The following PDE1C variants were observed in gnomAD, a reference collection of about 807,000 sequenced individuals.
PDE1C encodes the protein phosphodiesterase 1C.
In PDE1C, 62 loss-of-function variants were observed where a neutral mutation model predicts 93.1. The ratio of observed to expected loss-of-function variants is 0.67; its 90% CI spans 0.54 to 0.82. The LOEUF (loss-of-function observed/expected upper bound fraction) is 0.82, where lower values mean the gene tolerates loss of function less well. PDE1C is among the 40% of genes least tolerant of loss of function. The pLI is 0.00. For synonymous variants in PDE1C, 325 were observed against 310.1 expected, an observed-to-expected ratio of 1.05 and a Z score of -0.50; for missense variants, 742 against 884.6, an observed-to-expected ratio of 0.84 and a Z score of 2.04.
At chr7:31,643,429 A>G in the PDE1C span, 1 of 1,614,002 alleles carries the variant, frequency 6.2e-7, no homozygotes, top group Admixed American at 1.7e-5. Context: ...TTTGGGTCAG[A>G]TACTACCTGG....
Position 31,816,146 on chromosome 7 carries a change from C to A in PDE1C, c.1591G>T (p.Ala531Ser). Residue 531 changes from alanine (A) to serine (S), a missense_variant, in exon 15 of 18, where the codon GCC becomes TCC. By Grantham distance (99) the Ala-to-Ser change is moderately conservative. Transcript: ENST00000396191. ...WRAKVPKEEKAKKEAEEKARL... is the reference protein window; with the variant it reads ...WRAKVPKEEKSKKEAEEKARL... ...GCCTTTTCCTCTGCTTCCTTCTTGG[C>A]CTTCTCCTCTGCATCCATGGCAAGT... 1 of 1,613,568 alleles carries A rather than the reference C, an allele frequency of 6.2e-7. No homozygotes were observed. Among genetic ancestry groups the A allele is most frequent in the Non-Finnish European group, 8.5e-7 (1 of 1,179,816 alleles).
chr7:32,340,364 G>C (rs915203541), intron 1 of PDE1C, among the ~76,000 whole-genome samples: 2 of 152,162 alleles, frequency 1.3e-5, no homozygotes, highest in South Asian at 2.1e-4. Context: ...GTGGAGAAGA[G>C]GGGGAGGATC....
intron 2 of PDE1C, among the ~76,000 whole-genome samples, chr7:31,955,429 A>G (rs1807993386): frequency 6.6e-6 from 1 of 152,190 alleles, no homozygotes; most frequent in African/African-American, 2.4e-5. Context: ...CCTCAAATCA[A>G]AACAAAATGC....
In PDE1C at chr7:31,912,693, T is replaced by A. The variant is rs568009376; in HGVS notation, c.129-31833A>T. Among the ~76,000 whole-genome samples, 7 of 151,782 alleles carry A rather than the reference T, an allele frequency of 4.6e-5. No homozygotes were observed. The East Asian group carries it at 1.2e-3, about 25-fold the overall frequency. Reference sequence around the variant, plus strand: ...CAAAGTGAGACCTTGTCTCAAAAAATATATATATATAAAATAAAAAATTAT... The same window carrying A: ...CAAAGTGAGACCTTGTCTCAAAAAAAATATATATATAAAATAAAAAATTAT... On this transcript the variant is annotated intron_variant, in intron 2 of 17. Transcript: ENST00000396191.
the PDE1C span, among the ~76,000 whole-genome samples, chr7:31,660,515 ATT>A: frequency 4.8e-4 from 72 of 149,214 alleles, no homozygotes; most frequent in Admixed American, 1.0e-3. Flanking sequence ...TTCCTCTCCC[ATT>A]TTTTTTTTTC....
chr7:32,366,313 A>G (rs1435652279), intron 1 of PDE1C, among the ~76,000 whole-genome samples: 3 of 152,226 alleles, frequency 2.0e-5, no homozygotes, highest in Non-Finnish European at 2.9e-5. Context: ...AGCTTTGACA[A>G]CAGACTAGCT....
upstream of PDE1C, among the ~76,000 whole-genome samples, chr7:32,075,697 C>T (rs1259542948): frequency 1.3e-5 from 2 of 152,222 alleles, no homozygotes; most frequent in African/African-American, 4.8e-5. Context: ...AACTACATTA[C>T]CAAGTAGTGG....
rs530809781 is a variant in PDE1C, at chr7:32,415,730, G to A, written c.310+12092C>T. ...GAGGGGCCAGGGAACAAAGCGCTAC[G>A]TCCTTTCCTTCTCCCTCGGGAGCAC... On this transcript the variant is annotated intron_variant, in intron 1 of 1. Coordinates refer to the PDE1C transcript ENST00000672256. Among the ~76,000 whole-genome samples the A allele has an allele frequency of 1.1e-4, 17 of 152,170 alleles. No individual in the cohort carries two copies. The South Asian group carries it at 2.3e-3, about 20-fold the overall frequency.
At chr7:32,094,862 C>T (rs772028933) in intron 3 of PDE1C, among the ~76,000 whole-genome samples, 2 of 152,250 alleles carry the variant, frequency 1.3e-5, no homozygotes, top group Admixed American at 1.3e-4. Context: ...TCCTCACCAG[C>T]CCTGCAAACT....
the PDE1C span, among the ~76,000 whole-genome samples, chr7:31,722,899 CTG>C: frequency 6.6e-6 from 1 of 152,216 alleles, no homozygotes; most frequent in African/African-American, 2.4e-5. Context: ...CACAGAGAAT[CTG>C]ACAGTTTTTC....
At position 31,879,114 on chromosome 7, in the gene PDE1C, G is replaced by A. The variant is rs1160523652; in HGVS notation, c.307C>T (p.Arg103Ter). 6.8e-6 allele frequency: 11 copies of A among 1,614,052 alleles called. No individual in the cohort carries two copies. Among genetic ancestry groups the A allele is most frequent in the African/African-American group, 2.7e-5 (2 of 75,018 alleles). Residue 103 changes from arginine (R) to a stop codon, truncating the protein, a stop_gained, in exon 4 of 18, where the codon CGA becomes TGA. Coordinates refer to ENST00000396191, the MANE Select transcript of PDE1C (RefSeq NM_001191057.4). LOFTEE classifies it high-confidence loss of function. Reference protein sequence around the residue: ...IQSDAVPSEVRDWLASTFTRQ... With the variant: ...IQSDAVPSEV ...GTGAAGGTGGAGGCCAGCCAGTCTC[G>A]GACCTCAGAAGGCACAGCATCTGAC...
chr7:32,418,510 C>T (rs907426290), intron 1 of PDE1C, among the ~76,000 whole-genome samples: 37 of 152,034 alleles, frequency 2.4e-4, no homozygotes, highest in African/African-American at 8.9e-4. Flanking sequence ...TTTATTTGCA[C>T]TTTTTCAATC....
At chr7:32,130,032 T>A (rs1055046337) in intron 3 of PDE1C, among the ~76,000 whole-genome samples, 1 of 152,156 alleles carries the variant, frequency 6.6e-6, no homozygotes, top group Non-Finnish European at 1.5e-5. Flanking sequence ...GGAAACATAT[T>A]TTTAATATAC....
intron 3 of PDE1C, among the ~76,000 whole-genome samples, chr7:32,095,210 C>A (rs924107085): frequency 1.3e-5 from 2 of 152,188 alleles, no homozygotes; most frequent in Admixed American, 1.3e-4. Context: ...AAACAATGTT[C>A]CATGCTCAGC....
intron 2 of PDE1C, among the ~76,000 whole-genome samples, chr7:31,898,628 TTTGA>T (rs1158040534): frequency 6.6e-6 from 1 of 151,154 alleles, no homozygotes; most frequent in Non-Finnish European, 1.5e-5. Flanking sequence ...TTGGCTTTTA[TTTGA>T]TTAAGACAAA....
chr7:31,988,976 C>A lies in PDE1C; in HGVS notation c.128+62578G>T, dbSNP rs1284381471. Among the ~76,000 whole-genome samples the A allele has an allele frequency of 1.2e-4, 8 of 67,566 alleles. No homozygotes were observed. The Admixed American group carries it at 1.5e-3, about 12-fold the overall frequency. 44.3% of individuals were successfully genotyped at this position (67,566 alleles called of 152,430 possible). On this transcript the variant is annotated intron_variant, in intron 2 of 17. Transcript: ENST00000396191. The stretch of plus-strand genomic sequence containing the variant: ...AACCATTGCACTCCAGCCTGGGCAA[C>A]AAGAGTGAAACTTCTTCTCAAAAAA...
intron 3 of PDE1C, among the ~76,000 whole-genome samples, chr7:32,157,326 G>C (rs757542316): frequency 6.6e-6 from 1 of 152,100 alleles, no homozygotes; most frequent in African/African-American, 2.4e-5. Flanking sequence ...AAAATAACTA[G>C]AGGAGAACCA....
chr7:32,183,658 G>A (rs1157607498), intron 2 of PDE1C, among the ~76,000 whole-genome samples: 1 of 152,092 alleles, frequency 6.6e-6, no homozygotes, highest in African/African-American at 2.4e-5. Flanking sequence ...ATTCAAGATG[G>A]ATTAAAGACT....
intron 3 of PDE1C, among the ~76,000 whole-genome samples, chr7:32,098,697 C>T (rs1338617785): frequency 1.3e-5 from 2 of 152,188 alleles, no homozygotes; most frequent in Non-Finnish European, 2.9e-5. Flanking sequence ...TGTTTATGCA[C>T]CCTGTGGACT....
Sources: gnomAD v4.1 joint callset for allele counts (sites outside exome capture counted in the v4.1 genomes callset) on GRCh38, gnomAD v4.1.1 for gene constraint, MANE v1.5 for transcripts, NCBI Gene and HGNC (gene_info 2026-07-23, HGNC 2026-07-21) for gene names.